Variants in IFI44L observed in about 807,000 individuals in gnomAD.
IFI44L encodes the protein interferon induced protein 44 like, also known as interferon-induced protein 44-like.
A neutral mutation model predicts 39.3 loss-of-function variants in IFI44L; 40 were observed. That is an observed-to-expected ratio of 1.02 (90% CI 0.79 to 1.33). The LOEUF is 1.33. Among genes scored for constraint, IFI44L ranks in the 40% most tolerant of loss-of-function variants. IFI44L has a pLI of 0.00. For missense variants in IFI44L, 623 were observed against 549.0 expected (o/e 1.13, Z -1.35); for synonymous variants, 198 against 182.3 (o/e 1.09, Z -0.69).
Position 78,645,921 on chromosome 1 carries a change from A to G in IFI44L, c.*4112A>G, listed in dbSNP as rs1410554118. 6.6e-6 allele frequency: 1 copy of G among 152,144 alleles called. No homozygotes were observed. Among genetic ancestry groups the G allele is most frequent in the African/African-American group, 2.4e-5 (1 of 41,434 alleles). 9.4% of individuals were successfully genotyped at this position (152,144 alleles called of 1,614,324 possible). On this transcript the variant is annotated 3_prime_UTR_variant, in exon 9 of 9. Transcript: ENST00000370751. ...CACTTCCTTCCTCAACACAATTCAAACAAATAGACTCAGACTGTTTCAGGC... is the reference window on the plus strand; with the variant it reads ...CACTTCCTTCCTCAACACAATTCAAGCAAATAGACTCAGACTGTTTCAGGC...
Position 78,645,233 on chromosome 1 carries a change from T to C in IFI44L, c.*3424T>C, listed in dbSNP as rs949468132. The C allele has an allele frequency of 1.3e-5, 2 of 152,234 alleles. No individual in the cohort carries two copies. The highest frequency in any genetic ancestry group is 2.9e-5 in the Non-Finnish European group (2 of 68,048). 9.4% of individuals were successfully genotyped at this position (152,234 alleles called of 1,614,324 possible). ...ACTTAGGAACTGCCTCTTCTTTTTC[T>C]TTGAAAACCTACTTATAACTGTTGC... On this transcript the variant is annotated 3_prime_UTR_variant, in exon 9 of 9. Transcript: ENST00000370751.
chr1:78,632,848 T>C (rs935000526), intron 4 of IFI44L, among the ~76,000 whole-genome samples: 3 of 152,210 alleles, frequency 2.0e-5, no homozygotes, highest in Non-Finnish European at 4.4e-5. Context: ...GATTTCTGTT[T>C]TCTGTAAATT....
intron 3 of IFI44L, 53 bp downstream of exon 3, chr1:78,629,052 T>C (rs1652615590): frequency 9.3e-7 from 1 of 1,077,024 alleles, no homozygotes; most frequent in East Asian, 2.4e-5. Context: ...ACCAATTGTA[T>C]AAAGAATGCT....
At chr1:78,635,516 T>C (rs201930619) in intron 5 of IFI44L, 27 bp downstream of exon 5, 2 of 1,595,014 alleles carry the variant, frequency 1.3e-6, no homozygotes, top group Non-Finnish European at 1.7e-6. Flanking sequence ...ATCCAAAACA[T>C]TTCAAATCAT....
At chr1:78,641,195 C>A in intron 7 of IFI44L, 74 bp downstream of exon 7, 1 of 1,089,414 alleles carries the variant, frequency 9.2e-7, no homozygotes, top group Non-Finnish European at 1.4e-6. Context: ...TTGTGTGTGT[C>A]TGTACGTGTA....
At chr1:78,632,320 A>G (rs1160068647) in intron 4 of IFI44L, among the ~76,000 whole-genome samples, 1 of 152,202 alleles carries the variant, frequency 6.6e-6, no homozygotes, top group Non-Finnish European at 1.5e-5. Flanking sequence ...AGAAACCTGT[A>G]TTCACTATTC....
At position 78,642,026 on chromosome 1, in the gene IFI44L, T is replaced by C. The variant is rs1269711947; in HGVS notation, c.*217T>C. On this transcript the variant is annotated 3_prime_UTR_variant, in exon 9 of 9. Coordinates refer to ENST00000370751, the MANE Select transcript of IFI44L (RefSeq NM_006820.4). ...CACCCCTCCATATTTCCGTACCATT[T>C]ACAATTCAGTTTCTGTGACATCTTT... 1.7e-6 allele frequency: 1 copy of C among 604,404 alleles called. No homozygotes were observed. The highest frequency in any genetic ancestry group is 3.0e-6 in the Non-Finnish European group (1 of 337,366). 37.4% of individuals were successfully genotyped at this position (604,404 alleles called of 1,614,324 possible). A position where few individuals can be genotyped will look rare whatever the true frequency, so the allele number is the denominator to read the frequency against.
intron 8 of IFI44L, 65 bp from the exon 9 acceptor site, chr1:78,641,710 C>T (rs1252779889): frequency 1.2e-6 from 2 of 1,606,268 alleles, no homozygotes; most frequent in African/African-American, 2.7e-5. Flanking sequence ...CACCTGCATG[C>T]CCTAGTCCTG....
intron 1 of IFI44L, chr1:78,620,976 G>C (rs750501242): frequency 2.3e-4 from 35 of 152,172 alleles, no homozygotes; most frequent in Admixed American, 1.6e-3. Flanking sequence ...TCACAGGTAA[G>C]TGACTTCTTG....
intron 2 of IFI44L, 179 bp from the exon 3 acceptor site, chr1:78,628,772 A>T: frequency 1.7e-6 from 1 of 574,468 alleles, no homozygotes. Flanking sequence ...GAGCAAGTTA[A>T]TGTGCAGAGA....
At chr1:78,639,105 A>T (rs1312957514) in intron 6 of IFI44L, among the ~76,000 whole-genome samples, 1 of 152,046 alleles carries the variant, frequency 6.6e-6, no homozygotes, top group Non-Finnish European at 1.5e-5. Context: ...AGGTTAATGA[A>T]GGCTAAAGTT....
chr1:78,635,728 G>T, intron 5 of IFI44L: 1 of 506,732 alleles, frequency 2.0e-6, no homozygotes, highest in Non-Finnish European at 3.5e-6. Flanking sequence ...TCTAGTAAAA[G>T]ATCAAGGAGA....
At chr1:78,622,863 T>G (rs558934759) in intron 1 of IFI44L, among the ~76,000 whole-genome samples, 91 of 152,308 alleles carry the variant, frequency 6.0e-4, no homozygotes, top group Non-Finnish European at 9.3e-4. Flanking sequence ...CTTGGAAGCA[T>G]GTCCTTCTCC....
chr1:78,624,196 G>A (rs556753343), intron 1 of IFI44L, among the ~76,000 whole-genome samples: 7 of 152,016 alleles, frequency 4.6e-5, no homozygotes, highest in South Asian at 2.1e-4. Context: ...GGGCTTTTCC[G>A]TATTGGCCAG....
intron 2 of IFI44L, chr1:78,628,637 G>A: frequency 1.9e-6 from 1 of 520,086 alleles, no homozygotes; most frequent in South Asian, 2.8e-5. Flanking sequence ...AGATGACAAA[G>A]GAGATGGGGA....
rs2100383782 is a variant in IFI44L at position 78,637,205 on chromosome 1, T to C, written c.1048+2T>C. On this transcript the variant is annotated splice_donor_variant, in intron 6 of 8. Transcript: ENST00000370751. LOFTEE classifies it high-confidence loss of function. ...TTCACAAAGAAGTATTAAACTGTGG[T>C]GAGTCTCACTGAACTTATAAAAAAA... 6.3e-7 allele frequency: 1 copy of C among 1,584,704 alleles called. No homozygotes were observed. Among genetic ancestry groups the C allele is most frequent in the African/African-American group, 1.4e-5 (1 of 72,770 alleles).
Position 78,643,162 on chromosome 1 carries a change from T to TTTTTTTTTTTTTTGA in IFI44L, c.*1353_*1354insTTTTTTTTTTTTTGA, listed in dbSNP as rs1359225810. The TTTTTTTTTTTTTTGA allele has an allele frequency of 4.6e-5, 7 of 151,948 alleles. No individual in the cohort carries two copies. The South Asian group carries it at 8.3e-4, about 18-fold the overall frequency. The allele number at this position is 151,948 out of a possible 1,614,324, so 9.4% of individuals were successfully genotyped here. ...ATATTAAGAAAGCAAGAGTTTCTTATGTCCAGTTATGGAATATTTCCTAAA... is the reference window on the plus strand; with the variant it reads ...ATATTAAGAAAGCAAGAGTTTCTTATTTTTTTTTTTTTTGAGTCCAGTTATGGAATATTTCCTAAA... On this transcript the variant is annotated 3_prime_UTR_variant, in exon 9 of 9. Transcript: ENST00000370751.
At chr1:78,633,348 CAA>C (rs1652825405) in intron 4 of IFI44L, among the ~76,000 whole-genome samples, 1 of 152,206 alleles carries the variant, frequency 6.6e-6, no homozygotes. Context: ...ATGCTGGTGC[CAA>C]GTGAGACCAT....
chr1:78,636,871 A>G, intron 5 of IFI44L, 161 bp from the exon 6 acceptor site: 1 of 554,742 alleles, frequency 1.8e-6, no homozygotes. Context: ...TTATGCTCAC[A>G]GTGGAAAGGA....
Sources: gnomAD v4.1 joint callset for allele counts (sites outside exome capture counted in the v4.1 genomes callset) on GRCh38, gnomAD v4.1.1 for gene constraint, MANE v1.5 for transcripts, NCBI Gene and HGNC (gene_info 2026-07-23, HGNC 2026-07-21) for gene names.